Variants in NBEAL1 observed in about 807,000 individuals in gnomAD.
NBEAL1 encodes the protein neurobeachin like 1, also known as neurobeachin-like protein 1.
NBEAL1 carries 273 observed loss-of-function variants against 351.3 expected under a neutral mutation model. The observed-to-expected ratio is 0.78, with a 90% CI of 0.70 to 0.86. The LOEUF is 0.86. NBEAL1 is among the 40% of genes least tolerant of loss of function. NBEAL1 has a pLI of 0.00. For missense variants in NBEAL1, 2,961 were observed against 3,201.3 expected (o/e 0.92, Z 1.81); for synonymous variants, 1,050 against 1,086.4 (o/e 0.97, Z 0.66).
At chr2:203,046,417 C>G (rs947168797) in intron 3 of NBEAL1, among the ~76,000 whole-genome samples, 1 of 152,008 alleles carries the variant, frequency 6.6e-6, no homozygotes, top group Non-Finnish European at 1.5e-5. Flanking sequence ...TGGGGTTTCA[C>G]CGTGTTAGCC....
intron 2 of NBEAL1, among the ~76,000 whole-genome samples, chr2:203,034,762 C>T (rs1462269046): frequency 6.7e-6 from 1 of 148,534 alleles, no homozygotes; most frequent in Non-Finnish European, 1.5e-5. Context: ...CTGGCCTGTA[C>T]TTATTAAACA....
chr2:203,181,598 A>T (rs1020858089), intron 43 of NBEAL1: 17 of 152,196 alleles, frequency 1.1e-4, no homozygotes, highest in African/African-American at 4.1e-4. Context: ...GGGAGGTTCC[A>T]CAGTATTAAA....
chr2:203,078,302 A>AT (rs1307993247), intron 8 of NBEAL1, among the ~76,000 whole-genome samples: 6 of 152,066 alleles, frequency 3.9e-5, no homozygotes, highest in African/African-American at 9.7e-5. Context: ...AATTTCTAGT[A>AT]TTTTTTTAAG....
intron 6 of NBEAL1, among the ~76,000 whole-genome samples, chr2:203,058,061 C>A (rs1444978262): frequency 6.6e-6 from 1 of 152,060 alleles, no homozygotes; most frequent in East Asian, 1.9e-4. Flanking sequence ...CCAGGATGGT[C>A]TCGATCTCCT....
intron 29 of NBEAL1, among the ~76,000 whole-genome samples, chr2:203,137,798 A>G (rs548139271): frequency 4.6e-4 from 70 of 152,228 alleles, no homozygotes; most frequent in African/African-American, 1.6e-3. Context: ...AGCCTATCCA[A>G]CATGGCAAAA....
intron 27 of NBEAL1, 52 bp from the exon 28 acceptor site, chr2:203,135,625 A>G: frequency 9.3e-7 from 1 of 1,080,930 alleles, no homozygotes; most frequent in Non-Finnish European, 1.3e-6. Flanking sequence ...TATTTTTGAT[A>G]TAAAGTACTA....
chr2:203,187,448 GT>G (rs552511784), intron 44 of NBEAL1, among the ~76,000 whole-genome samples: 85 of 127,506 alleles, frequency 6.7e-4, no homozygotes, highest in South Asian at 1.4e-3. Context: ...AAATCAAATA[GT>G]TCACTTTTGG....
In NBEAL1 at chr2:203,212,176, C is replaced by T. The variant is rs555558549; in HGVS notation, c.7934+1070C>T. ...GTGCTGGGATTACAGGCATGAGCCA[C>T]TGCACCTGGCCCGAGATTTCTGGGC... is the stretch of plus-strand genomic sequence containing the variant. On this transcript the variant is annotated intron_variant, in intron 54 of 55. Coordinates refer to ENST00000683969, the MANE Select transcript of NBEAL1 (RefSeq NM_001378026.1). 3.3e-5 allele frequency among the ~76,000 whole-genome samples: 5 copies of T among 152,192 alleles called. No individual in the cohort carries two copies. In the South Asian group the frequency reaches 1.0e-3, roughly 32 times the overall value.
rs1418113243 is a variant in NBEAL1 at position 203,083,455 on chromosome 2, A to T, written c.921A>T (p.Ser307=). Residue 307 remains serine, a synonymous_variant, in exon 9 of 56, where the codon TCA becomes TCT. Coordinates refer to ENST00000683969, the MANE Select transcript of NBEAL1 (RefSeq NM_001378026.1). ...NYFKLLNSDH[S]ALPNQRRSRQ... The stretch of plus-strand genomic sequence containing the variant: ...TTAAATTGCTAAATTCAGATCATTC[A>T]GCTTTACCTAATCAAAGGAGGTCCA... 3 of 1,552,918 alleles carry T rather than the reference A, an allele frequency of 1.9e-6. No individual in the cohort carries two copies. In the East Asian group the frequency reaches 7.2e-5, roughly 37 times the overall value.
chr2:203,215,212 C>T (rs1334793875), intron 55 of NBEAL1, among the ~76,000 whole-genome samples: 2 of 151,626 alleles, frequency 1.3e-5, no homozygotes, highest in African/African-American at 4.8e-5. Flanking sequence ...AAAAATTAGC[C>T]GGGTGTGGGC....
At chr2:203,138,406 T>C in intron 30 of NBEAL1, 91 bp downstream of exon 30, 1 of 1,213,794 alleles carries the variant, frequency 8.2e-7, no homozygotes. Flanking sequence ...AGAGCGTTAA[T>C]GCTTAATCAG....
At chr2:203,022,543 A>G (rs372569203) in intron 2 of NBEAL1, among the ~76,000 whole-genome samples, 1 of 152,316 alleles carries the variant, frequency 6.6e-6, no homozygotes, top group African/African-American at 2.4e-5. Context: ...CATCTGTCAA[A>G]TGGAAAAACA....
chr2:203,057,658 T>A (rs972976621), intron 6 of NBEAL1, among the ~76,000 whole-genome samples: 1 of 152,182 alleles, frequency 6.6e-6, no homozygotes, highest in Non-Finnish European at 1.5e-5. Context: ...TGAACTTGTA[T>A]TTTGCAATGC....
At chr2:203,108,794 C>A (rs2062497394) in intron 14 of NBEAL1, among the ~76,000 whole-genome samples, 1 of 151,664 alleles carries the variant, frequency 6.6e-6, no homozygotes, top group Non-Finnish European at 1.5e-5. Flanking sequence ...CACTTGTAAT[C>A]CCACCACTTT....
In NBEAL1 at chr2:203,110,157, A is replaced by G; in HGVS notation, c.1957A>G (p.Thr653Ala). The G allele has an allele frequency of 6.5e-7, 1 of 1,543,366 alleles. No homozygotes were observed. Among genetic ancestry groups the G allele is most frequent in the Non-Finnish European group, 8.7e-7 (1 of 1,144,860 alleles). Residue 653 changes from threonine (T) to alanine (A), a missense_variant, in exon 15 of 56, where the codon ACA becomes GCA. Coordinates refer to ENST00000683969, the MANE Select transcript of NBEAL1 (RefSeq NM_001378026.1). Reference sequence around the variant, plus strand: ...AATACGTATTTTTTTTAGTTTTTTTACAGGAAGTGGCATGGGTTTTGAAGC... The same window carrying G: ...AATACGTATTTTTTTTAGTTTTTTTGCAGGAAGTGGCATGGGTTTTGAAGC... ...GKRKQLYSFF[T>A]GSGMGFEAFI...
At chr2:203,103,134 T>C (rs1170649061) in intron 12 of NBEAL1, among the ~76,000 whole-genome samples, 3 of 152,166 alleles carry the variant, frequency 2.0e-5, no homozygotes, top group African/African-American at 4.8e-5. Flanking sequence ...TTTTGTATCC[T>C]GTGGGGTCAG....
At chr2:203,206,415 C>G (rs1333072596) in intron 51 of NBEAL1, among the ~76,000 whole-genome samples, 1 of 151,992 alleles carries the variant, frequency 6.6e-6, no homozygotes, top group Non-Finnish European at 1.5e-5. Flanking sequence ...TGTCCCTTTC[C>G]CTCTCCCTCT....
chr2:203,138,876 T>G (rs1055574356), intron 31 of NBEAL1, 128 bp downstream of exon 31: 3 of 917,596 alleles, frequency 3.3e-6, no homozygotes, highest in Non-Finnish European at 3.1e-6. Flanking sequence ...ATCCATGATT[T>G]CATTTGGAGT....
At position 203,197,286 on chromosome 2, in the gene NBEAL1, C is replaced by T; in HGVS notation, c.7039-16C>T. The T allele has an allele frequency of 1.4e-6, 2 of 1,462,520 alleles. No homozygotes were observed. The highest frequency in any genetic ancestry group is 1.2e-5 in the South Asian group (1 of 86,328). The allele number at this position is 1,462,520 out of a possible 1,614,324, so 90.6% of individuals were successfully genotyped here. On this transcript the variant is annotated splice_polypyrimidine_tract_variant and intron_variant, in intron 47 of 55. Coordinates refer to ENST00000683969, the MANE Select transcript of NBEAL1 (RefSeq NM_001378026.1). Reference sequence around the variant, plus strand: ...AGATGAGCAGAACCAGCCACTAAACCTCTTTTATTTTATAGGGGATTAGTG... The same window carrying T: ...AGATGAGCAGAACCAGCCACTAAACTTCTTTTATTTTATAGGGGATTAGTG...
Sources: gnomAD v4.1 joint callset for allele counts (sites outside exome capture counted in the v4.1 genomes callset) on GRCh38, gnomAD v4.1.1 for gene constraint, MANE v1.5 for transcripts, NCBI Gene and HGNC (gene_info 2026-07-23, HGNC 2026-07-21) for gene names.